Variants in XPR1 observed in about 807,000 individuals in gnomAD.
The protein encoded by XPR1 is solute carrier family 53 member 1.
Under a neutral mutation model 87.5 loss-of-function variants are expected in XPR1, and 28 were observed. The ratio of observed to expected loss-of-function variants is 0.32; its 90% CI spans 0.24 to 0.44. The LOEUF is 0.44. Ranked by LOEUF, XPR1 falls within the 20% of genes least tolerant of loss-of-function variation. XPR1 has a pLI of 1.00. For synonymous variants in XPR1, 300 were observed against 306.1 expected, an observed-to-expected ratio of 0.98 and a Z score of 0.21; for missense variants, 559 against 862.3, an observed-to-expected ratio of 0.65 and a Z score of 4.41.
At chr1:180,840,718 T>G (rs1407648599) in intron 11 of XPR1, among the ~76,000 whole-genome samples, 1 of 151,884 alleles carries the variant, frequency 6.6e-6, no homozygotes, top group African/African-American at 2.4e-5. Flanking sequence ...TATAGTTACA[T>G]GTTAAATATT....
intron 7 of XPR1, among the ~76,000 whole-genome samples, chr1:180,816,285 T>C (rs765337332): frequency 1.3e-5 from 2 of 152,204 alleles, no homozygotes; most frequent in African/African-American, 4.8e-5. Flanking sequence ...ATCCCTCCCA[T>C]GCGCAGCTCA....
chr1:180,874,639 A>G (rs932142292), intron 13 of XPR1, among the ~76,000 whole-genome samples: 1 of 152,110 alleles, frequency 6.6e-6, no homozygotes, highest in Non-Finnish European at 1.5e-5. Context: ...GCAGTGAGCC[A>G]AGACTGCACT....
chr1:180,687,233 A>T (rs1013130861), intron 2 of XPR1, among the ~76,000 whole-genome samples: 1 of 152,144 alleles, frequency 6.6e-6, no homozygotes, highest in South Asian at 2.1e-4. Context: ...GATGATATTT[A>T]TTCATCCCCT....
At chr1:180,720,616 C>A (rs1457709062) in intron 2 of XPR1, among the ~76,000 whole-genome samples, 1 of 152,048 alleles carries the variant, frequency 6.6e-6, no homozygotes, top group African/African-American at 2.4e-5. Flanking sequence ...GGTTCTTAGA[C>A]CAACAGCATC....
intron 1 of XPR1, among the ~76,000 whole-genome samples, chr1:180,670,278 T>A (rs1051223263): frequency 2.6e-5 from 4 of 152,204 alleles, no homozygotes; most frequent in South Asian, 2.1e-4. Context: ...CAATTTTCTA[T>A]ATTCTTTATA....
Position 180,791,665 on chromosome 1 carries a change from G to C in XPR1, c.223+3811G>C, listed in dbSNP as rs76872413. Among the ~76,000 whole-genome samples the C allele has an allele frequency of 1.6e-3, 248 of 152,188 alleles. 3 individuals carry two copies. The East Asian group carries it at 0.017, about 10-fold the overall frequency. ...TATATGTTTGTATGCATCTATATGT[G>C]TGTGACTACACAATATATTTAAATA... On this transcript the variant is annotated intron_variant, in intron 3 of 14. Coordinates refer to ENST00000367590, the MANE Select transcript of XPR1 (RefSeq NM_004736.4).
chr1:180,698,732 GA>G lies in XPR1; in HGVS notation c.121+16330del, dbSNP rs994990090. On this transcript the variant is annotated intron_variant, in intron 2 of 14. Transcript: ENST00000367590. ...AATGCCCTCAGTTTTTGCACATTTG[GA>G]AAAAAAAATATTTCTCCTTCATTTT... Among the ~76,000 whole-genome samples the G allele has an allele frequency of 1.0e-3, 158 of 150,968 alleles. 1 individual carries two copies. The South Asian group carries it at 0.016, about 15-fold the overall frequency.
chr1:180,852,418 T>C (rs1487765086), intron 11 of XPR1, among the ~76,000 whole-genome samples: 1 of 152,072 alleles, frequency 6.6e-6, no homozygotes, highest in African/African-American at 2.4e-5. Flanking sequence ...TGTTGCCTTT[T>C]TTGCACAGTA....
intron 2 of XPR1, among the ~76,000 whole-genome samples, chr1:180,712,425 T>A (rs1011314218): frequency 6.6e-6 from 1 of 152,210 alleles, no homozygotes; most frequent in Non-Finnish European, 1.5e-5. Context: ...ATTTCTGGAA[T>A]TTTCTATTTA....
chr1:180,772,590 A>G (rs1648557329), intron 2 of XPR1, among the ~76,000 whole-genome samples: 1 of 152,132 alleles, frequency 6.6e-6, no homozygotes, highest in South Asian at 2.1e-4. Flanking sequence ...CCCACTTGTT[A>G]TGGAAGGGAC....
intron 3 of XPR1, among the ~76,000 whole-genome samples, chr1:180,801,812 ACT>A (rs1445239653): frequency 6.7e-6 from 1 of 149,294 alleles, no homozygotes; most frequent in Non-Finnish European, 1.5e-5. Context: ...ACAGTGTCTC[ACT>A]CTGTCACCCA....
intron 11 of XPR1, among the ~76,000 whole-genome samples, chr1:180,857,014 G>A (rs12079208): frequency 0.043 from 6,544 of 152,150 alleles, 503 homozygotes; most frequent in African/African-American, 0.15. Context: ...AAACTGTGAA[G>A]GATATCAATT....
At chr1:180,873,673 A>G (rs1468710333) in intron 12 of XPR1, 130 bp from the exon 13 acceptor site, 2 of 1,010,342 alleles carry the variant, frequency 2.0e-6, no homozygotes, top group African/African-American at 1.6e-5. Context: ...ATAAAGTACA[A>G]CTTTCCTCTT....
chr1:180,866,797 A>ATTT (rs539839824), intron 12 of XPR1, among the ~76,000 whole-genome samples: 5 of 136,452 alleles, frequency 3.7e-5, no homozygotes, highest in African/African-American at 1.1e-4. Context: ...ATATTAGTTT[A>ATTT]TTTTTTTTTT....
chr1:180,832,702 C>T (rs778109281), intron 9 of XPR1, among the ~76,000 whole-genome samples: 9 of 151,960 alleles, frequency 5.9e-5, no homozygotes, highest in Admixed American at 6.6e-5. Context: ...TGGTTGTGGA[C>T]GGTGTGGTGT....
chr1:180,706,593 A>G (rs1021549022), intron 2 of XPR1, among the ~76,000 whole-genome samples: 3 of 151,712 alleles, frequency 2.0e-5, no homozygotes, highest in Non-Finnish European at 4.4e-5. Context: ...CAACATCTAC[A>G]TCTATCAAGA....
At chr1:180,684,144 T>G (rs895808987) in intron 2 of XPR1, among the ~76,000 whole-genome samples, 6 of 152,234 alleles carry the variant, frequency 3.9e-5, no homozygotes, top group African/African-American at 1.2e-4. Context: ...AATTTTTCTA[T>G]AAGGTGTAAG....
intron 2 of XPR1, among the ~76,000 whole-genome samples, chr1:180,780,375 A>C (rs1167697339): frequency 1.3e-5 from 2 of 151,966 alleles, no homozygotes; most frequent in Non-Finnish European, 1.5e-5. Context: ...ATGGTATCTC[A>C]TTGTCTTTTG....
At chr1:180,667,525 G>T (rs1488227045) in intron 1 of XPR1, among the ~76,000 whole-genome samples, 1 of 152,124 alleles carries the variant, frequency 6.6e-6, no homozygotes, top group Admixed American at 6.5e-5. Context: ...GAGGATTTTT[G>T]CATCAAAGTT....
Sources: allele counts gnomAD v4.1 joint callset (sites outside exome capture counted in the v4.1 genomes callset), GRCh38; gene constraint gnomAD v4.1.1; transcripts MANE v1.5; gene names NCBI Gene and HGNC (gene_info 2026-07-23, HGNC 2026-07-21).